The following SH3BGRL variants were observed in gnomAD, a reference collection of about 807,000 sequenced individuals.
The protein encoded by SH3BGRL is SH3 domain binding glutamate rich protein like.
A neutral mutation model predicts 9.8 loss-of-function variants in SH3BGRL; 7 were observed. That is an observed-to-expected ratio of 0.72 (90% CI 0.41 to 1.35). The LOEUF is 1.35. SH3BGRL is among the 40% of genes most tolerant of loss of function. The pLI, the probability that SH3BGRL is intolerant of heterozygous loss-of-function variation, is 0.01. For missense variants in SH3BGRL, 73 were observed against 84.4 expected, an observed-to-expected ratio of 0.86 and a Z score of 0.53; for synonymous variants, 36 against 29.1, an observed-to-expected ratio of 1.24 and a Z score of -0.76.
At chrX:81,221,820 G>T (rs1002000310) in intron 1 of SH3BGRL, among the ~76,000 whole-genome samples, 3 of 112,201 alleles carry the variant, frequency 2.7e-5, no homozygotes, top group Non-Finnish European at 5.6e-5. Context: ...AATGTCAATT[G>T]TTATTAAGAA....
intron 1 of SH3BGRL, among the ~76,000 whole-genome samples, chrX:81,248,014 C>A (rs2075695283): frequency 9.2e-6 from 1 of 108,176 alleles, no homozygotes; most frequent in African/African-American, 3.4e-5. Flanking sequence ...GGTTTCAAAT[C>A]CTTCCTGATT....
intron 1 of SH3BGRL, among the ~76,000 whole-genome samples, chrX:81,272,396 T>C (rs1176175963): frequency 9.0e-6 from 1 of 111,307 alleles, no homozygotes; most frequent in East Asian, 2.8e-4. Flanking sequence ...AAAGACTGAA[T>C]TGGCAGCTTT....
At chrX:81,216,318 G>A (rs1274397410) in intron 1 of SH3BGRL, among the ~76,000 whole-genome samples, 1 of 110,832 alleles carries the variant, frequency 9.0e-6, no homozygotes, top group Non-Finnish European at 1.9e-5. Flanking sequence ...TGCGTACAGA[G>A]TAGGTACACA....
At chrX:81,293,649 C>CTCT (rs1335555497) in intron 3 of SH3BGRL, among the ~76,000 whole-genome samples, 1 of 111,958 alleles carries the variant, frequency 8.9e-6, no homozygotes, top group Non-Finnish European at 1.9e-5. Flanking sequence ...CACCACGGCA[C>CTCT]AACAGCCTGG....
At chrX:81,239,310 TA>T (rs1201716894) in intron 1 of SH3BGRL, among the ~76,000 whole-genome samples, 1 of 112,078 alleles carries the variant, frequency 8.9e-6, no homozygotes, top group African/African-American at 3.2e-5. Flanking sequence ...AATTCTATCA[TA>T]TAAATTTAGG....
chrX:81,282,883 G>C (rs183946096), intron 3 of SH3BGRL, among the ~76,000 whole-genome samples: 1 of 111,898 alleles, frequency 8.9e-6, no homozygotes, highest in East Asian at 2.8e-4. Flanking sequence ...GAAACAAAAA[G>C]CTGGTTCTTT....
intron 1 of SH3BGRL, among the ~76,000 whole-genome samples, chrX:81,239,879 C>A (rs942244608): frequency 8.9e-6 from 1 of 112,066 alleles, no homozygotes; most frequent in African/African-American, 3.2e-5. Context: ...ATTTAAAGTA[C>A]TGAAGGAGAA....
intron 1 of SH3BGRL, among the ~76,000 whole-genome samples, chrX:81,245,990 T>C (rs1191533883): frequency 8.9e-6 from 1 of 111,882 alleles, no homozygotes; most frequent in East Asian, 2.8e-4. Flanking sequence ...CTTTTTGACT[T>C]GTTAATAGTA....
Position 81,271,839 on chromosome X carries a change from A to G in SH3BGRL, c.46-5145A>G, listed in dbSNP as rs753450770. ...ATCAAACCACTTTTGGAAATATTGC[A>G]AACAGACAAGCTGAAAAAAAAGGTG... On this transcript the variant is annotated intron_variant, in intron 1 of 3. Coordinates refer to ENST00000373212, the MANE Select transcript of SH3BGRL (RefSeq NM_003022.3). Among the ~76,000 whole-genome samples the G allele has an allele frequency of 3.6e-5, 4 of 111,202 alleles. No homozygotes were observed. In the South Asian group the frequency reaches 1.5e-3, roughly 43 times the overall value.
At chrX:81,237,309 A>G (rs777251561) in intron 1 of SH3BGRL, 1 of 323,891 alleles carries the variant, frequency 3.1e-6, no homozygotes, top group Non-Finnish European at 6.0e-6. Context: ...TGGTTTTAAC[A>G]TCATATTGGT....
intron 3 of SH3BGRL, among the ~76,000 whole-genome samples, chrX:81,287,916 C>T (rs1377131276): frequency 9.9e-6 from 1 of 101,419 alleles, no homozygotes; most frequent in African/African-American, 3.7e-5. Flanking sequence ...GCCAAAATCA[C>T]ACTAGAATAC....
intron 1 of SH3BGRL, among the ~76,000 whole-genome samples, chrX:81,253,358 GT>G (rs929334959): frequency 1.8e-5 from 2 of 111,330 alleles, no homozygotes; most frequent in African/African-American, 6.5e-5. Flanking sequence ...TTGTTTGTTT[GT>G]TTTTTTATTT....
At chrX:81,295,539 A>G (rs1230920437) in intron 3 of SH3BGRL, among the ~76,000 whole-genome samples, 4 of 111,264 alleles carry the variant, frequency 3.6e-5, no homozygotes, top group Non-Finnish European at 7.5e-5. Context: ...CGTCTTGGGT[A>G]TGTCTTTATG....
chrX:81,225,330 G>A (rs998652904), intron 1 of SH3BGRL, among the ~76,000 whole-genome samples: 3 of 109,920 alleles, frequency 2.7e-5, no homozygotes, highest in East Asian at 2.9e-4. Flanking sequence ...TTCTTACATC[G>A]CTATATTACA....
At chrX:81,252,374 T>G (rs375108104) in intron 1 of SH3BGRL, among the ~76,000 whole-genome samples, 1 of 112,135 alleles carries the variant, frequency 8.9e-6, no homozygotes, top group East Asian at 2.8e-4. Context: ...GTTGGATCAC[T>G]AAGTGATACT....
intron 3 of SH3BGRL, among the ~76,000 whole-genome samples, chrX:81,278,671 C>G (rs893827224): frequency 8.9e-6 from 1 of 111,931 alleles, no homozygotes; most frequent in African/African-American, 3.2e-5. Context: ...TCTCATTGAC[C>G]TATGCACAGA....
At chrX:81,223,880 C>A (rs2075608609) in intron 1 of SH3BGRL, among the ~76,000 whole-genome samples, 1 of 110,559 alleles carries the variant, frequency 9.0e-6, no homozygotes, top group South Asian at 3.9e-4. Flanking sequence ...GAAATGGGAT[C>A]TTGCTATGTT....
chrX:81,265,430 A>G (rs763113606), intron 1 of SH3BGRL, among the ~76,000 whole-genome samples: 10 of 108,907 alleles, frequency 9.2e-5, no homozygotes, highest in African/African-American at 3.4e-4. Context: ...TCATTGTTCA[A>G]CTCCCGCTTA....
At chrX:81,260,954 A>G (rs2075739414) in intron 1 of SH3BGRL, among the ~76,000 whole-genome samples, 1 of 111,257 alleles carries the variant, frequency 9.0e-6, no homozygotes, top group Admixed American at 9.6e-5. Context: ...AATTGATTAA[A>G]TTGTGTACAT....
Sources: allele counts gnomAD v4.1 joint callset (sites outside exome capture counted in the v4.1 genomes callset), GRCh38; gene constraint gnomAD v4.1.1; transcripts MANE v1.5; gene names NCBI Gene and HGNC (gene_info 2026-07-23, HGNC 2026-07-21).